JAK2: variants seen among roughly 807,000 people sequenced by gnomAD.
JAK2 encodes the protein tyrosine-protein kinase JAK2.
A neutral mutation model predicts 139.3 loss-of-function variants in JAK2; 86 were observed. That is an observed-to-expected ratio of 0.62 (90% confidence interval 0.52 to 0.74). JAK2 has a LOEUF of 0.74. Ranked by LOEUF, JAK2 falls within the 30% of genes least tolerant of loss-of-function variation. The pLI is 0.00. For synonymous variants in JAK2, 490 were observed against 437.7 expected (o/e 1.12, Z -1.49); for missense variants, 1,421 against 1,360.3 (o/e 1.04, Z -0.70).
rs189765216 is a variant in JAK2 at position 5,078,547 on chromosome 9, T to C, written c.2131+103T>C. 1.1e-5 allele frequency: 9 copies of C among 805,346 alleles called. No homozygotes were observed. In the Admixed American group the frequency reaches 2.3e-4, roughly 21 times the overall value. 49.9% of individuals were successfully genotyped at this position (805,346 alleles called of 1,614,324 possible). A position where few individuals can be genotyped will look rare whatever the true frequency, so the allele number is the denominator to read the frequency against. The stretch of plus-strand genomic sequence containing the variant: ...CCTTGAATTCCATTTAATTTGTATG[T>C]TCCTGATTAATAATAAAATTATCAC... On this transcript the variant is annotated intron_variant, in intron 16 of 24. Transcript: ENST00000381652.
intron 22 of JAK2, chr9:5,091,207 G>T: frequency 4.7e-6 from 1 of 210,900 alleles, no homozygotes; most frequent in Non-Finnish European, 9.3e-6. Flanking sequence ...TGGTGCTGTG[G>T]GTTGTGGTAT....
At chr9:5,016,968 G>T (rs1210423114) in intron 2 of JAK2, among the ~76,000 whole-genome samples, 1 of 152,178 alleles carries the variant, frequency 6.6e-6, no homozygotes, top group Non-Finnish European at 1.5e-5. Context: ...TAGATTAAAA[G>T]TATGTAGTCA....
At chr9:5,111,522 C>A (rs751409201) in intron 22 of JAK2, 2 of 368,104 alleles carry the variant, frequency 5.4e-6, no homozygotes, top group Non-Finnish European at 5.3e-6. Flanking sequence ...TCCGCCAAGA[C>A]GCCCAGCAGC....
intron 8 of JAK2, among the ~76,000 whole-genome samples, chr9:5,056,637 C>A (rs531423069): frequency 6.6e-6 from 1 of 152,144 alleles, no homozygotes; most frequent in African/African-American, 2.4e-5. Flanking sequence ...TGTGTTTGTA[C>A]CCCCTACACC....
intron 22 of JAK2, among the ~76,000 whole-genome samples, chr9:5,092,258 T>C (rs973606762): frequency 1.3e-5 from 2 of 152,088 alleles, no homozygotes; most frequent in Non-Finnish European, 2.9e-5. Context: ...GAGTGCTTGG[T>C]TGAGGTTGAA....
chr9:5,092,821 G>C (rs1820690793), intron 22 of JAK2, among the ~76,000 whole-genome samples: 1 of 152,096 alleles, frequency 6.6e-6, no homozygotes, highest in African/African-American at 2.4e-5. Flanking sequence ...GTCCAAGATA[G>C]AATCTTAGTT....
intron 7 of JAK2, among the ~76,000 whole-genome samples, chr9:5,055,411 A>C (rs1563961579): frequency 6.6e-6 from 1 of 151,890 alleles, no homozygotes; most frequent in Non-Finnish European, 1.5e-5. Flanking sequence ...GTTTCTACTA[A>C]TGTTAATTGA....
intron 22 of JAK2, chr9:5,099,315 C>T (rs910165352): frequency 7.9e-5 from 12 of 152,098 alleles, no homozygotes; most frequent in African/African-American, 2.7e-4. Context: ...AAAACCTGAT[C>T]CACATCTACA....
chr9:5,090,014 A>G (rs551911865), intron 20 of JAK2, 151 bp downstream of exon 20: 4 of 463,298 alleles, frequency 8.6e-6, no homozygotes, highest in Admixed American at 8.7e-5. Context: ...TTTGGTGATC[A>G]TAGACTATAA....
chr9:5,042,804 G>C (rs892016800), intron 4 of JAK2, among the ~76,000 whole-genome samples: 2 of 152,196 alleles, frequency 1.3e-5, no homozygotes, highest in African/African-American at 4.8e-5. Context: ...GGAACGGAGG[G>C]GTGGGGCCGC....
intron 16 of JAK2, 28 bp downstream of exon 16, chr9:5,078,472 G>C (rs558613738): frequency 6.4e-7 from 1 of 1,573,602 alleles, no homozygotes; most frequent in South Asian, 1.2e-5. Context: ...TATATATAAT[G>C]TTACTAAGCT....
rs1824051196 is a variant in JAK2 at position 5,127,147 on chromosome 9, A to G, written c.*356A>G. 7.7e-6 allele frequency: 2 copies of G among 260,074 alleles called. No individual in the cohort carries two copies. Among genetic ancestry groups the G allele is most frequent in the Admixed American group, 1.1e-4 (2 of 19,028 alleles). 16.1% of individuals were successfully genotyped at this position (260,074 alleles called of 1,614,324 possible). ...ATTTTGCAATGTTAAAGATGCACAGAATATGTATGTATAGTTTTTACCACA... is the reference window on the plus strand; with the variant it reads ...ATTTTGCAATGTTAAAGATGCACAGGATATGTATGTATAGTTTTTACCACA... On this transcript the variant is annotated 3_prime_UTR_variant, in exon 25 of 25. Coordinates refer to ENST00000381652, the MANE Select transcript of JAK2 (RefSeq NM_004972.4).
chr9:5,090,777 G>T lies in JAK2; in HGVS notation c.2925G>T (p.Arg975Ser). 6.2e-7 allele frequency: 1 copy of T among 1,612,536 alleles called. No homozygotes were observed. ...EYLGTKRYIHRDLATRNILVE... is the reference protein window; with the variant it reads ...EYLGTKRYIHSDLATRNILVE... ...TTGGTACAAAAAGGTATATCCACAG[G>T]GATCTGGCAACGAGAAATATATTGG... Residue 975 changes from arginine to serine, a missense_variant, in exon 22 of 25, where the codon AGG becomes AGT. By Grantham distance (110) the Arg-to-Ser change is moderately radical. Transcript: ENST00000381652.
intron 2 of JAK2, among the ~76,000 whole-genome samples, chr9:5,015,528 TTTTTC>T (rs1486263734): frequency 1.2e-5 from 1 of 80,348 alleles, no homozygotes; most frequent in Admixed American, 1.2e-4. Context: ...ATTCTTTTTC[TTTTTC>T]TTTTCTTTTT....
rs58424625 is a variant in JAK2 at position 5,062,500 on chromosome 9, T to TAAAAAAAAAAAAAAAAAAAAAAAAA, written c.1057-2376_1057-2352dup. On this transcript the variant is annotated intron_variant, in intron 8 of 24. Coordinates refer to ENST00000381652, the MANE Select transcript of JAK2 (RefSeq NM_004972.4). ...AAGTTTGTCAGAAACCTTCCATTTG[T>TAAAAAAAAAAAAAAAAAAAAAAAAA]AAAAAAAAAAAAAAAAAAAAAAAAA... is the stretch of plus-strand genomic sequence containing the variant. Among the ~76,000 whole-genome samples, 17 of 58,248 alleles carry TAAAAAAAAAAAAAAAAAAAAAAAAA rather than the reference T, an allele frequency of 2.9e-4. 4 individuals are homozygous for TAAAAAAAAAAAAAAAAAAAAAAAAA. Among genetic ancestry groups the TAAAAAAAAAAAAAAAAAAAAAAAAA allele is most frequent in the African/African-American group, 1.7e-3 (16 of 9,598 alleles). The allele number at this position is 58,248 out of a possible 152,430, so 38.2% of individuals were successfully genotyped here.
intron 8 of JAK2, among the ~76,000 whole-genome samples, chr9:5,064,607 A>G (rs1317226912): frequency 6.6e-6 from 1 of 152,212 alleles, no homozygotes; most frequent in Non-Finnish European, 1.5e-5. Flanking sequence ...TTTCTAGCTG[A>G]GATAACTGGT....
chr9:5,011,806 C>G (rs543306346), intron 2 of JAK2, among the ~76,000 whole-genome samples: 1 of 152,294 alleles, frequency 6.6e-6, no homozygotes, highest in East Asian at 1.9e-4. Context: ...CAACTTGATC[C>G]TGCGGAGGCT....
At chr9:5,085,318 T>A in intron 19 of JAK2, 1 of 762,706 alleles carries the variant, frequency 1.3e-6, no homozygotes, top group Non-Finnish European at 2.4e-6. Flanking sequence ...GAATACATCA[T>A]CTATTAGCTG....
At chr9:5,116,669 C>A (rs1393562401) in intron 22 of JAK2, among the ~76,000 whole-genome samples, 1 of 152,078 alleles carries the variant, frequency 6.6e-6, no homozygotes, top group African/African-American at 2.4e-5. Flanking sequence ...TACTGTGCTC[C>A]AAATACTATA....
Sources: gnomAD v4.1 joint callset for allele counts (sites outside exome capture counted in the v4.1 genomes callset) on GRCh38, gnomAD v4.1.1 for gene constraint, MANE v1.5 for transcripts, NCBI Gene and HGNC (gene_info 2026-07-23, HGNC 2026-07-21) for gene names.